Variants in UBE2Q2 observed in about 807,000 individuals in gnomAD.
UBE2Q2 encodes ubiquitin conjugating enzyme E2 Q2.
A neutral mutation model predicts 59.9 loss-of-function variants in UBE2Q2; 54 were observed. The observed-to-expected ratio is 0.90, with a 90% CI of 0.72 to 1.13. UBE2Q2 has a LOEUF of 1.13. UBE2Q2 is among the 50% of genes most tolerant of loss of function. The pLI, the probability that UBE2Q2 is intolerant of heterozygous loss-of-function variation, is 0.00. For synonymous variants in UBE2Q2, 165 were observed against 155.2 expected (o/e 1.06, Z -0.47); for missense variants, 433 against 441.9 (o/e 0.98, Z 0.18).
chr15:75,843,942 C>T (rs1595843784), intron 1 of UBE2Q2, 96 bp downstream of exon 1: 4 of 1,419,078 alleles, frequency 2.8e-6, no homozygotes, highest in Non-Finnish European at 3.7e-6. Context: ...CGGAGAGGCT[C>T]CGGCTCCCCG....
chr15:75,844,612 C>G, intron 1 of UBE2Q2: 1 of 1,114,510 alleles, frequency 9.0e-7, no homozygotes, highest in Non-Finnish European at 1.2e-6. Flanking sequence ...GCCGAAAAGA[C>G]ACTTTTAAAA....
rs747916062 is a variant in UBE2Q2 at position 75,900,002 on chromosome 15, G to A, written c.*544G>A. 6.5e-6 allele frequency: 1 copy of A among 152,704 alleles called. No homozygotes were observed. Among genetic ancestry groups the A allele is most frequent in the Non-Finnish European group, 1.5e-5 (1 of 68,118 alleles). The allele number at this position is 152,704 out of a possible 1,614,324, so 9.5% of individuals were successfully genotyped here. A position where few individuals can be genotyped will look rare whatever the true frequency, so the allele number is the denominator to read the frequency against. ...AATTGTTAAACTTTTTAATGACTAT[G>A]TGAAGATATGAATTGTTTCCTGAAG... On this transcript the variant is annotated 3_prime_UTR_variant, in exon 13 of 13. Transcript: ENST00000267938.
chr15:75,875,610 A>T (rs1450736856), intron 5 of UBE2Q2, among the ~76,000 whole-genome samples: 1 of 152,212 alleles, frequency 6.6e-6, no homozygotes, highest in Non-Finnish European at 1.5e-5. Flanking sequence ...ATAGACTCAT[A>T]CTGAATTCTT....
intron 11 of UBE2Q2, chr15:75,894,891 C>T (rs1002586137): frequency 2.0e-5 from 3 of 151,852 alleles, no homozygotes; most frequent in African/African-American, 7.3e-5. Flanking sequence ...TATTTTTGTC[C>T]TTTTTGTGAA....
At chr15:75,872,681 C>A (rs527560509) in intron 4 of UBE2Q2, among the ~76,000 whole-genome samples, 112 of 151,774 alleles carry the variant, frequency 7.4e-4, no homozygotes, top group Non-Finnish European at 1.3e-3. Flanking sequence ...AGATAAAATT[C>A]TTTTTCTAAC....
chr15:75,845,039 G>A (rs1896263949), intron 1 of UBE2Q2, among the ~76,000 whole-genome samples: 1 of 152,180 alleles, frequency 6.6e-6, no homozygotes, highest in African/African-American at 2.4e-5. Context: ...AGTGTTCTGG[G>A]CACTAGTGTT....
intron 2 of UBE2Q2, among the ~76,000 whole-genome samples, chr15:75,858,258 C>T (rs925971861): frequency 6.6e-6 from 1 of 152,126 alleles, no homozygotes; most frequent in African/African-American, 2.4e-5. Context: ...GTCTGTAAAT[C>T]ATATATGTTA....
chr15:75,846,450 C>T (rs567609508), intron 1 of UBE2Q2, among the ~76,000 whole-genome samples: 23 of 152,162 alleles, frequency 1.5e-4, no homozygotes, highest in Admixed American at 1.0e-3. Context: ...GTTGGCCAGG[C>T]TGGTCTTGAA....
chr15:75,875,482 G>C (rs771867446), intron 5 of UBE2Q2, among the ~76,000 whole-genome samples: 2 of 152,168 alleles, frequency 1.3e-5, no homozygotes, highest in Non-Finnish European at 1.5e-5. Context: ...CTTAATGTGC[G>C]AACTAGACCA....
rs759636097 is a variant in UBE2Q2 at position 75,843,734 on chromosome 15, G to A, written c.68G>A (p.Arg23Gln). ...LASIFDKNHE[R>Q]FRIVSWKLDE... ...TCCATCTTCGACAAGAACCACGAGC[G>A]ATTCCGCATCGTCAGTTGGAAGCTG... The change falls in exon 1 of 13, where the codon CGA (arginine) becomes CAA (glutamine). Residue 23 changes from arginine to glutamine, a missense_variant. Arg to Gln is a conservative substitution (Grantham distance 43). Transcript: ENST00000267938. 1.2e-6 allele frequency: 2 copies of A among 1,611,588 alleles called. No homozygotes were observed. The highest frequency in any genetic ancestry group is 1.1e-5 in the South Asian group (1 of 90,742).
chr15:75,883,091 A>G (rs770054185), intron 8 of UBE2Q2, among the ~76,000 whole-genome samples: 4 of 152,130 alleles, frequency 2.6e-5, no homozygotes, highest in Non-Finnish European at 4.4e-5. Context: ...CTAGTCTATC[A>G]TTATTGGAAT....
chr15:75,875,702 G>T (rs1423617062), intron 5 of UBE2Q2, among the ~76,000 whole-genome samples: 1 of 152,134 alleles, frequency 6.6e-6, no homozygotes, highest in East Asian at 1.9e-4. Context: ...AACTAGACTT[G>T]TGCCTAGTTT....
intron 5 of UBE2Q2, 88 bp downstream of exon 5, chr15:75,873,656 A>C: frequency 2.1e-6 from 3 of 1,403,774 alleles, no homozygotes; most frequent in Non-Finnish European, 2.9e-6. Context: ...TGCCCATCTC[A>C]GCTGCCCTCT....
At chr15:75,872,043 G>A (rs1233649719) in intron 4 of UBE2Q2, among the ~76,000 whole-genome samples, 3 of 152,130 alleles carry the variant, frequency 2.0e-5, no homozygotes, top group Non-Finnish European at 4.4e-5. Context: ...AGGGCTGAAA[G>A]GTGCACACAG....
chr15:75,876,135 T>C lies in UBE2Q2; in HGVS notation c.589-52T>C, dbSNP rs868468414. The C allele has an allele frequency of 3.3e-6, 5 of 1,533,848 alleles. No individual in the cohort carries two copies. In the African/African-American group the frequency reaches 4.2e-5, roughly 13 times the overall value. ...TAATCTTTTAGATCAGGTTGAAATA[T>C]CTTAAATCTTAGCTCAGCAGACCCT... On this transcript the variant is annotated intron_variant, in intron 5 of 12. Coordinates refer to ENST00000267938, the MANE Select transcript of UBE2Q2 (RefSeq NM_173469.4).
intron 5 of UBE2Q2, among the ~76,000 whole-genome samples, chr15:75,875,829 A>T (rs1051951482): frequency 3.0e-4 from 45 of 152,002 alleles, no homozygotes; most frequent in African/African-American, 1.1e-3. Context: ...TGGGAGGCCG[A>T]GGCAGGCAGA....
In UBE2Q2 at chr15:75,843,799, A is replaced by C; in HGVS notation, c.133A>C (p.Ser45Arg). Residue 45 changes from serine (S) to arginine (R), a missense_variant, in exon 1 of 13, where the codon AGC becomes CGC. Physicochemically the swap from Ser to Arg is moderately radical, Grantham distance 110. Transcript: ENST00000267938. ...CCAGTTCCTGGTGCCGCAGCAGGGC[A>C]GCCCGCACTCGCTGCCGCCGCCACT... The part of the protein sequence containing the change: ...HCQFLVPQQG[S>R]PHSLPPPLTL... 1 of 1,605,892 alleles carries C rather than the reference A, an allele frequency of 6.2e-7. No individual in the cohort carries two copies.
At chr15:75,857,770 AAT>A (rs1555419031) in intron 2 of UBE2Q2, among the ~76,000 whole-genome samples, 4 of 152,058 alleles carry the variant, frequency 2.6e-5, no homozygotes, top group African/African-American at 9.7e-5. Flanking sequence ...AAAAAAAAAA[AAT>A]GCAGCCATTT....
At chr15:75,885,525 A>AT (rs1898710429) in intron 9 of UBE2Q2, among the ~76,000 whole-genome samples, 1 of 152,104 alleles carries the variant, frequency 6.6e-6, no homozygotes, top group Admixed American at 6.5e-5. Context: ...GCTGTTTTCT[A>AT]TTTTTCCCAA....
Sources: gnomAD v4.1 joint callset for allele counts (sites outside exome capture counted in the v4.1 genomes callset) on GRCh38, gnomAD v4.1.1 for gene constraint, MANE v1.5 for transcripts, NCBI Gene and HGNC (gene_info 2026-07-23, HGNC 2026-07-21) for gene names.